CSMD1: variants seen among roughly 807,000 people sequenced by gnomAD.
CSMD1 encodes CUB and sushi domain-containing protein 1.
Under a neutral mutation model 417.5 loss-of-function variants are expected in CSMD1, and 213 were observed. That is an observed-to-expected ratio of 0.51 (90% CI 0.46 to 0.57). The LOEUF is 0.57. Among genes scored for constraint, CSMD1 ranks in the 20% least tolerant of loss-of-function variants. CSMD1 has a pLI of 0.00. For synonymous variants in CSMD1, 2,862 were observed against 1,736.8 expected (o/e 1.65, Z -16.11); for missense variants, 6,923 against 4,529.7 (o/e 1.53, Z -15.17).
At chr8:3,767,151 C>A (rs758981740) in intron 5 of CSMD1, among the ~76,000 whole-genome samples, 1 of 152,224 alleles carries the variant, frequency 6.6e-6, no homozygotes, top group Non-Finnish European at 1.5e-5. Context: ...TCCAGCTGGT[C>A]TGTCTGTGCT....
intron 11 of CSMD1, among the ~76,000 whole-genome samples, chr8:3,491,210 C>T (rs778693728): frequency 2.0e-5 from 3 of 152,058 alleles, no homozygotes; most frequent in Non-Finnish European, 4.4e-5. Context: ...GGTCCACAGG[C>T]GATAAAGACT....
At chr8:3,533,336 T>C (rs60894448) in intron 10 of CSMD1, among the ~76,000 whole-genome samples, 3,831 of 152,256 alleles carry the variant, frequency 0.025, 162 homozygotes, top group African/African-American at 0.087. Flanking sequence ...AGCAGATCTC[T>C]AGAACTTATT....
At chr8:4,778,089 A>C (rs1796962635) in intron 1 of CSMD1, among the ~76,000 whole-genome samples, 2 of 152,224 alleles carry the variant, frequency 1.3e-5, no homozygotes, top group African/African-American at 4.8e-5. Flanking sequence ...GCAATATTTT[A>C]AAATTAGGAT....
At chr8:4,735,732 T>C (rs1209069044) in intron 1 of CSMD1, among the ~76,000 whole-genome samples, 1 of 152,138 alleles carries the variant, frequency 6.6e-6, no homozygotes, top group Non-Finnish European at 1.5e-5. Context: ...ATCTCCCTAA[T>C]AAGAGAAAAG....
At chr8:3,421,680 C>G (rs945402584) in intron 12 of CSMD1, among the ~76,000 whole-genome samples, 7 of 152,090 alleles carry the variant, frequency 4.6e-5, no homozygotes, top group Non-Finnish European at 8.8e-5. Flanking sequence ...CTCTGTTGCC[C>G]AGACTGCAGT....
At chr8:3,311,930 C>G (rs1805383265) in intron 23 of CSMD1, among the ~76,000 whole-genome samples, 1 of 152,074 alleles carries the variant, frequency 6.6e-6, no homozygotes, top group African/African-American at 2.4e-5. Context: ...CAGAATATGC[C>G]TCTATGTTCA....
intron 1 of CSMD1, among the ~76,000 whole-genome samples, chr8:4,753,776 C>G (rs1208175694): frequency 6.6e-6 from 1 of 152,186 alleles, no homozygotes; most frequent in Non-Finnish European, 1.5e-5. Context: ...CATTCCCTTT[C>G]CTCCCCACCA....
chr8:3,592,693 C>CGT (rs10655852), intron 8 of CSMD1, among the ~76,000 whole-genome samples: 10,205 of 143,442 alleles, frequency 0.071, 560 homozygotes, highest in East Asian at 0.16. Flanking sequence ...TGTGCACATC[C>CGT]GTGTGTGTGT....
At chr8:4,160,788 C>A (rs1471804784) in intron 3 of CSMD1, among the ~76,000 whole-genome samples, 1 of 152,108 alleles carries the variant, frequency 6.6e-6, no homozygotes, top group Non-Finnish European at 1.5e-5. Flanking sequence ...ATCATTTTAC[C>A]CGTGAAGGTG....
intron 54 of CSMD1, among the ~76,000 whole-genome samples, chr8:2,993,855 G>A (rs934470940): frequency 2.0e-5 from 3 of 151,744 alleles, no homozygotes; most frequent in Admixed American, 2.0e-4. Context: ...TGATGTTATC[G>A]TCAACGGTTG....
At chr8:3,317,232 C>G (rs898367692) in intron 23 of CSMD1, among the ~76,000 whole-genome samples, 3 of 152,294 alleles carry the variant, frequency 2.0e-5, no homozygotes, top group East Asian at 1.9e-4. Flanking sequence ...AGGAATACAT[C>G]TTTCATTGAT....
At chr8:4,333,727 A>T (rs980866781) in intron 3 of CSMD1, among the ~76,000 whole-genome samples, 1 of 152,098 alleles carries the variant, frequency 6.6e-6, no homozygotes. Context: ...GCTTACAATG[A>T]CAGATTCCAA....
chr8:3,571,833 G>C (rs1174929861), intron 10 of CSMD1, among the ~76,000 whole-genome samples: 1 of 152,094 alleles, frequency 6.6e-6, no homozygotes, highest in East Asian at 1.9e-4. Context: ...CTGAAGTACT[G>C]TATTAGATTC....
At chr8:4,737,123 G>A (rs906198703) in intron 1 of CSMD1, among the ~76,000 whole-genome samples, 3 of 151,828 alleles carry the variant, frequency 2.0e-5, no homozygotes, top group Non-Finnish European at 2.9e-5. Flanking sequence ...AGAAAATGTG[G>A]TACATCCATA....
intron 4 of CSMD1, among the ~76,000 whole-genome samples, chr8:3,999,924 C>T (rs1434577093): frequency 6.6e-6 from 1 of 152,054 alleles, no homozygotes; most frequent in Non-Finnish European, 1.5e-5. Context: ...TTTTTAGATC[C>T]CAAATTTATT....
At chr8:4,887,866 G>A (rs1803858641) in intron 1 of CSMD1, among the ~76,000 whole-genome samples, 1 of 151,864 alleles carries the variant, frequency 6.6e-6, no homozygotes, top group African/African-American at 2.4e-5. Context: ...TTGCATGACT[G>A]ATATTTGCAT....
intron 2 of CSMD1, among the ~76,000 whole-genome samples, chr8:4,577,088 A>T (rs1216697927): frequency 6.6e-6 from 1 of 152,204 alleles, no homozygotes. Flanking sequence ...GATAATTTGT[A>T]TATACACACA....
chr8:3,167,919 A>G (rs1456957158), intron 37 of CSMD1, among the ~76,000 whole-genome samples: 1 of 152,230 alleles, frequency 6.6e-6, no homozygotes, highest in African/African-American at 2.4e-5. Context: ...CACATGATAA[A>G]CATGCAATTT....
intron 2 of CSMD1, among the ~76,000 whole-genome samples, chr8:4,559,643 A>T (rs1318034060): frequency 6.6e-6 from 1 of 152,244 alleles, no homozygotes; most frequent in African/African-American, 2.4e-5. Flanking sequence ...TAATAAAATT[A>T]TTAATAATTC....
Sources: allele counts gnomAD v4.1 joint callset (sites outside exome capture counted in the v4.1 genomes callset), GRCh38; gene constraint gnomAD v4.1.1; transcripts MANE v1.5; gene names NCBI Gene and HGNC (gene_info 2026-07-23, HGNC 2026-07-21).